ENOX1: variants seen among roughly 807,000 people sequenced by gnomAD.
The protein encoded by ENOX1 is candidate growth-related and time keeping constitutive hydroquinone (NADH) oxidase.
A neutral mutation model predicts 82.5 loss-of-function variants in ENOX1; 42 were observed. The observed-to-expected ratio is 0.51, with a 90% CI of 0.40 to 0.66. The LOEUF (loss-of-function observed/expected upper bound fraction) is 0.66. Ranked by LOEUF, ENOX1 falls within the 30% of genes least tolerant of loss-of-function variation. ENOX1 has a pLI of 0.00. For missense variants in ENOX1, 608 were observed against 811.6 expected, an observed-to-expected ratio of 0.75 and a Z score of 3.05; for synonymous variants, 271 against 282.2, an observed-to-expected ratio of 0.96 and a Z score of 0.40.
intron 5 of ENOX1, among the ~76,000 whole-genome samples, chr13:43,402,369 G>A (rs908366384): frequency 2.0e-5 from 3 of 152,090 alleles, no homozygotes; most frequent in Admixed American, 6.6e-5. Context: ...GTATAAAAGT[G>A]ACTTTTCCAG....
chr13:43,348,998 T>A (rs1566572841), intron 8 of ENOX1, among the ~76,000 whole-genome samples: 1 of 152,232 alleles, frequency 6.6e-6, no homozygotes, highest in South Asian at 2.1e-4. Context: ...GTTTCAGGCA[T>A]CCACTGGGGA....
chr13:43,779,681 CACTG>C (rs1481825198), intron 1 of ENOX1, among the ~76,000 whole-genome samples: 1 of 152,164 alleles, frequency 6.6e-6, no homozygotes, highest in African/African-American at 2.4e-5. Flanking sequence ...ATTTGAAAAA[CACTG>C]ACAACATTAT....
At chr13:43,593,153 T>C (rs900469532) in intron 2 of ENOX1, among the ~76,000 whole-genome samples, 3 of 152,152 alleles carry the variant, frequency 2.0e-5, no homozygotes, top group African/African-American at 7.2e-5. Context: ...CTGACAAAGA[T>C]TGTTGTCTGG....
At chr13:43,434,701 T>A (rs181176106) in intron 3 of ENOX1, among the ~76,000 whole-genome samples, 1 of 152,198 alleles carries the variant, frequency 6.6e-6, no homozygotes, top group African/African-American at 2.4e-5. Context: ...TAGTTCAACC[T>A]AATATGTGTC....
intron 1 of ENOX1, among the ~76,000 whole-genome samples, chr13:43,672,132 T>C (rs553909274): frequency 1.3e-5 from 2 of 152,222 alleles, no homozygotes; most frequent in Admixed American, 1.3e-4. Flanking sequence ...AACCTTCAAC[T>C]CCATTGCCCC....
At chr13:43,386,335 C>T (rs1459837402) in intron 5 of ENOX1, among the ~76,000 whole-genome samples, 1 of 152,106 alleles carries the variant, frequency 6.6e-6, no homozygotes, top group Non-Finnish European at 1.5e-5. Context: ...GTAATAATGT[C>T]GTTGTTTTCC....
chr13:43,670,717 C>A (rs1166393712), intron 1 of ENOX1, among the ~76,000 whole-genome samples: 1 of 152,012 alleles, frequency 6.6e-6, no homozygotes, highest in South Asian at 2.1e-4. Context: ...AGCTGGCATG[C>A]CTGTAATCCC....
intron 5 of ENOX1, among the ~76,000 whole-genome samples, chr13:43,370,652 G>C (rs967614209): frequency 6.6e-6 from 1 of 152,064 alleles, no homozygotes; most frequent in Non-Finnish European, 1.5e-5. Context: ...GACACTTTTG[G>C]GTTAAGTAAC....
chr13:43,305,189 C>T (rs989738943), intron 11 of ENOX1, among the ~76,000 whole-genome samples: 1 of 152,130 alleles, frequency 6.6e-6, no homozygotes, highest in Non-Finnish European at 1.5e-5. Flanking sequence ...CTGCCAACAG[C>T]CAGTCTCCTG....
intron 2 of ENOX1, among the ~76,000 whole-genome samples, chr13:43,572,430 T>C (rs557183843): frequency 6.6e-6 from 1 of 152,334 alleles, no homozygotes; most frequent in African/African-American, 2.4e-5. Flanking sequence ...CAACGTTCCA[T>C]AGACCAAAAG....
At chr13:43,623,396 G>C (rs1283844465) in intron 2 of ENOX1, among the ~76,000 whole-genome samples, 1 of 152,104 alleles carries the variant, frequency 6.6e-6, no homozygotes, top group Non-Finnish European at 1.5e-5. Flanking sequence ...TGGCCTGCTA[G>C]GGGACCCAGT....
chr13:43,469,053 C>A (rs1009762220), intron 3 of ENOX1, among the ~76,000 whole-genome samples: 5 of 152,070 alleles, frequency 3.3e-5, no homozygotes, highest in Admixed American at 2.6e-4. Flanking sequence ...TGTTCCTAAT[C>A]TTAGGTGGAA....
chr13:43,557,648 G>T (rs2079498871), intron 2 of ENOX1, among the ~76,000 whole-genome samples: 1 of 152,076 alleles, frequency 6.6e-6, no homozygotes, highest in African/African-American at 2.4e-5. Flanking sequence ...CTGAAAACAG[G>T]AGATTCATTT....
chr13:43,740,606 A>G (rs1025061161), intron 1 of ENOX1, among the ~76,000 whole-genome samples: 14 of 151,842 alleles, frequency 9.2e-5, no homozygotes, highest in African/African-American at 3.4e-4. Flanking sequence ...CCAATTACTT[A>G]TTTTTTCCTG....
At chr13:43,257,239 G>C (rs771421226) in intron 14 of ENOX1, among the ~76,000 whole-genome samples, 15 of 152,152 alleles carry the variant, frequency 9.9e-5, no homozygotes, top group Non-Finnish European at 1.6e-4. Context: ...TCAGTAGGTT[G>C]ACAAGAGTTA....
intron 11 of ENOX1, among the ~76,000 whole-genome samples, chr13:43,302,949 C>T (rs2046663872): frequency 6.6e-6 from 1 of 152,210 alleles, no homozygotes; most frequent in Non-Finnish European, 1.5e-5. Context: ...CAAGATGTAA[C>T]TAAATAATAA....
In ENOX1 at chr13:43,646,629, A is replaced by ATGCT. The variant is rs560341925; in HGVS notation, c.-219+20846_-219+20849dup. 1.8e-4 allele frequency among the ~76,000 whole-genome samples: 28 copies of ATGCT among 152,278 alleles called. No homozygotes were observed. The East Asian group carries it at 4.3e-3, about 23-fold the overall frequency. ...TCCTTCTCATGCGCTGATTGATTAC[A>ATGCT]TGCTGTCACAGGCTAACCTGTAAAT... On this transcript the variant is annotated intron_variant, in intron 2 of 16. Transcript: ENST00000690772.
intron 14 of ENOX1, among the ~76,000 whole-genome samples, chr13:43,255,616 A>G (rs1384329909): frequency 1.3e-5 from 2 of 152,302 alleles, no homozygotes; most frequent in East Asian, 3.9e-4. Context: ...AATCAGTAGT[A>G]TTTATATATG....
chr13:43,708,966 G>C (rs1158755050), intron 1 of ENOX1, among the ~76,000 whole-genome samples: 2 of 152,074 alleles, frequency 1.3e-5, no homozygotes, highest in African/African-American at 2.4e-5. Context: ...CAAATAGCCT[G>C]TCTATGAGAA....
Sources: allele counts gnomAD v4.1 joint callset (sites outside exome capture counted in the v4.1 genomes callset), GRCh38; gene constraint gnomAD v4.1.1; transcripts MANE v1.5; gene names NCBI Gene and HGNC (gene_info 2026-07-23, HGNC 2026-07-21).